AGL: variants seen among roughly 807,000 people sequenced by gnomAD.
AGL encodes the protein glycogen debranching enzyme.
AGL carries 128 observed loss-of-function variants against 199.3 expected under a neutral mutation model. The observed-to-expected ratio is 0.64, with a 90% CI of 0.56 to 0.74. The LOEUF (loss-of-function observed/expected upper bound fraction) is 0.74. AGL is among the 30% of genes least tolerant of loss of function. The pLI is 0.00. For missense variants in AGL, 1,809 were observed against 1,820.8 expected, an observed-to-expected ratio of 0.99 and a Z score of 0.12; for synonymous variants, 584 against 594.7, an observed-to-expected ratio of 0.98 and a Z score of 0.26.
Position 99,866,826 on chromosome 1 carries a change from A to ATTTATTTTAT in AGL, c.664+2240_664+2241insATTTTATTTT, listed in dbSNP as rs1553184052. On this transcript the variant is annotated intron_variant, in intron 5 of 33. Coordinates refer to ENST00000361915, the MANE Select transcript of AGL (RefSeq NM_000642.3). The stretch of plus-strand genomic sequence containing the variant: ...TTTATTTATTTATTTTATTTATTTT[A>ATTTATTTTAT]TTTTTTTTTGAGATGGAGTTTCACT... Among the ~76,000 whole-genome samples the ATTTATTTTAT allele has an allele frequency of 3.8e-3, 561 of 148,844 alleles. 9 individuals carry two copies. Among genetic ancestry groups the ATTTATTTTAT allele is most frequent in the Non-Finnish European group, 4.2e-3 (280 of 67,356 alleles).
chr1:99,851,296 T>C (rs1235074874), intron 2 of AGL, among the ~76,000 whole-genome samples, 172 bp downstream of exon 2: 1 of 152,238 alleles, frequency 6.6e-6, no homozygotes. Context: ...TTAATGTTGA[T>C]TTGAATTAAA....
intron 2 of AGL, among the ~76,000 whole-genome samples, chr1:99,857,847 A>AGAGGGAGGCCGTGGGGGGGGGGAGGGGGG (rs1557743553): frequency 1.2e-4 from 1 of 8,226 alleles, no homozygotes; most frequent in Non-Finnish European, 2.4e-4. Flanking sequence ...GGGGAGGGGG[A>AGAGGGAGGCCGTGGGGGGGGGGAGGGGGG]GGGGGGAAGA....
chr1:99,913,278 A>C (rs1284818667), intron 29 of AGL, among the ~76,000 whole-genome samples: 2 of 152,192 alleles, frequency 1.3e-5, no homozygotes, highest in Non-Finnish European at 2.9e-5. Flanking sequence ...TATTGTTTCA[A>C]CATGTAATCA....
intron 12 of AGL, among the ~76,000 whole-genome samples, chr1:99,879,487 G>A (rs553126937): frequency 6.6e-6 from 1 of 152,216 alleles, no homozygotes; most frequent in South Asian, 2.1e-4. Context: ...GGGAGGCTGA[G>A]GCTGGAGAAT....
intron 5 of AGL, 84 bp from the exon 6 acceptor site, chr1:99,870,316 T>C: frequency 7.2e-7 from 1 of 1,385,500 alleles, no homozygotes; most frequent in Non-Finnish European, 1.0e-6. Context: ...TAGATCTTTA[T>C]ATTTTATTTC....
chr1:99,917,871 A>G (rs559669568), intron 33 of AGL, among the ~76,000 whole-genome samples: 20 of 152,000 alleles, frequency 1.3e-4, no homozygotes, highest in Non-Finnish European at 2.9e-4. Flanking sequence ...TTTACCTGTT[A>G]TTACCCCCCA....
chr1:99,918,822 T>C (rs1253163639), intron 33 of AGL, among the ~76,000 whole-genome samples: 1 of 152,200 alleles, frequency 6.6e-6, no homozygotes, highest in Non-Finnish European at 1.5e-5. Context: ...GGAATAATTA[T>C]TCTCCATTAG....
chr1:99,911,425 G>A (rs12089187), intron 28 of AGL, among the ~76,000 whole-genome samples: 4,056 of 152,162 alleles, frequency 0.027, 172 homozygotes, highest in African/African-American at 0.092. Context: ...GTATTAAGCT[G>A]AGAAGTTATT....
intron 3 of AGL, among the ~76,000 whole-genome samples, chr1:99,861,954 A>C (rs1473198752): frequency 6.6e-6 from 1 of 152,126 alleles, no homozygotes; most frequent in Non-Finnish European, 1.5e-5. Context: ...ATGCAACCTG[A>C]TTATAGGTTG....
intron 25 of AGL, 145 bp from the exon 26 acceptor site, chr1:99,900,491 A>T: frequency 1.3e-6 from 1 of 746,968 alleles, no homozygotes; most frequent in Non-Finnish European, 2.2e-6. Context: ...CTATCATACT[A>T]TGACTACTTT....
intron 30 of AGL, among the ~76,000 whole-genome samples, chr1:99,914,351 GT>G (rs1483366500): frequency 6.6e-6 from 1 of 152,178 alleles, no homozygotes; most frequent in Non-Finnish European, 1.5e-5. Context: ...TTAACATTCT[GT>G]TTTCATTGTT....
At chr1:99,889,912 G>A (rs1340755077) in intron 21 of AGL, among the ~76,000 whole-genome samples, 1 of 152,046 alleles carries the variant, frequency 6.6e-6, no homozygotes, top group Admixed American at 6.6e-5. Context: ...TTTCCAGCAG[G>A]CTGCTAATAA....
chr1:99,855,111 GAATT>G (rs1462632259), intron 2 of AGL, among the ~76,000 whole-genome samples: 1 of 152,096 alleles, frequency 6.6e-6, no homozygotes, highest in Non-Finnish European at 1.5e-5. Flanking sequence ...TGAGGCAGGA[GAATT>G]GCTTGAATCC....
In AGL at chr1:99,896,305, T is replaced by C. The variant is rs903732071; in HGVS notation, c.3279T>C (p.Ser1093=). 3 of 1,613,898 alleles carry C rather than the reference T, an allele frequency of 1.9e-6. No homozygotes were observed. The highest frequency in any genetic ancestry group is 2.7e-5 in the African/African-American group (2 of 74,922). ...TGTTAGGCTTACCTCATTTTTCTTC[T>C]GGTATTTTCCGCTGCTGGGGAAGGG... ...SLAAGLPHFS[S]GIFRCWGRDT... Residue 1093 remains serine (S), a synonymous_variant, in exon 25 of 34, where the codon TCT becomes TCC. Transcript: ENST00000361915.
rs980088194 is a variant in AGL at position 99,924,018 on chromosome 1, G to T, written c.*2367G>T. On this transcript the variant is annotated 3_prime_UTR_variant, in exon 34 of 34. Coordinates refer to ENST00000361915, the MANE Select transcript of AGL (RefSeq NM_000642.3). ...AAGAAAATAAAAATATTTTCTAAAG[G>T]TCTGTATTTTGCTTTCATTCATAGT... 1 of 152,052 alleles carries T rather than the reference G, an allele frequency of 6.6e-6. No homozygotes were observed. Among genetic ancestry groups the T allele is most frequent in the Admixed American group, 6.6e-5 (1 of 15,248 alleles). The allele number at this position is 152,052 out of a possible 1,614,324, so 9.4% of individuals were successfully genotyped here. A position where few individuals can be genotyped will look rare whatever the true frequency, so the allele number is the denominator to read the frequency against.
At chr1:99,858,822 G>T (rs906194548) in intron 2 of AGL, among the ~76,000 whole-genome samples, 9 of 151,632 alleles carry the variant, frequency 5.9e-5, no homozygotes, top group African/African-American at 2.2e-4. Flanking sequence ...TAAATAAAAT[G>T]TATTATTTAA....
At chr1:99,863,322 A>G (rs1365095465) in intron 4 of AGL, among the ~76,000 whole-genome samples, 1 of 152,190 alleles carries the variant, frequency 6.6e-6, no homozygotes, top group African/African-American at 2.4e-5. Flanking sequence ...AAGGAACTCC[A>G]TAATGAAACA....
intron 2 of AGL, among the ~76,000 whole-genome samples, chr1:99,857,694 C>T (rs1649642042): frequency 6.6e-6 from 1 of 150,654 alleles, no homozygotes; most frequent in African/African-American, 2.4e-5. Flanking sequence ...CGCCTGCAAT[C>T]GCAGGCACTC....
chr1:99,914,186 T>C (rs999626750), intron 30 of AGL, among the ~76,000 whole-genome samples: 2 of 152,200 alleles, frequency 1.3e-5, no homozygotes, highest in African/African-American at 4.8e-5. Flanking sequence ...AGTAGGCTGC[T>C]TGTGCTAGAT....
Sources: gnomAD v4.1 joint callset for allele counts (sites outside exome capture counted in the v4.1 genomes callset) on GRCh38, gnomAD v4.1.1 for gene constraint, MANE v1.5 for transcripts, NCBI Gene and HGNC (gene_info 2026-07-23, HGNC 2026-07-21) for gene names.